LINGO2: variants seen among roughly 807,000 people sequenced by gnomAD.
LINGO2 encodes the protein leucine rich repeat and Ig domain containing 2, also known as leucine-rich repeat and immunoglobulin-like domain-containing nogo receptor-interacting protein 2.
LINGO2 carries 14 observed loss-of-function variants against 30.6 expected under a neutral mutation model. That is an observed-to-expected ratio of 0.46 (90% confidence interval 0.30 to 0.72). The LOEUF (loss-of-function observed/expected upper bound fraction) is 0.72. LINGO2 is among the 30% of genes least tolerant of loss of function. The pLI, the probability that LINGO2 is intolerant of heterozygous loss-of-function variation, is 0.07. For synonymous variants in LINGO2, 317 were observed against 288.5 expected, an observed-to-expected ratio of 1.10 and a Z score of -1.00; for missense variants, 729 against 751.7, an observed-to-expected ratio of 0.97 and a Z score of 0.35.
intron 1 of LINGO2, among the ~76,000 whole-genome samples, chr9:28,588,796 G>C (rs1167793810): frequency 6.6e-6 from 1 of 152,024 alleles, no homozygotes; most frequent in Non-Finnish European, 1.5e-5. Context: ...GATATTACTA[G>C]TCAGGCCATG....
At chr9:29,200,659 CA>C in the LINGO2 span, among the ~76,000 whole-genome samples, 1 of 152,076 alleles carries the variant, frequency 6.6e-6, no homozygotes, top group East Asian at 1.9e-4. Flanking sequence ...ACATTCGTCA[CA>C]ATTCATGAAC....
intron 1 of LINGO2, among the ~76,000 whole-genome samples, chr9:28,556,747 T>C (rs931188736): frequency 1.3e-5 from 2 of 151,874 alleles, no homozygotes; most frequent in Non-Finnish European, 2.9e-5. Flanking sequence ...CTTCAAACTA[T>C]ACTACAAGGC....
chr9:28,586,380 G>T (rs1259265208), intron 1 of LINGO2, among the ~76,000 whole-genome samples: 1 of 151,860 alleles, frequency 6.6e-6, no homozygotes, highest in Admixed American at 6.6e-5. Flanking sequence ...AATTTTTATA[G>T]TTTATTAATT....
chr9:28,474,131 A>T (rs1435316940), intron 2 of LINGO2, among the ~76,000 whole-genome samples: 1 of 152,232 alleles, frequency 6.6e-6, no homozygotes, highest in Non-Finnish European at 1.5e-5. Context: ...CATCTTACAA[A>T]GTAAATTTTC....
chr9:28,660,387 C>T (rs1478269836), intron 1 of LINGO2, among the ~76,000 whole-genome samples: 1 of 151,788 alleles, frequency 6.6e-6, no homozygotes, highest in Non-Finnish European at 1.5e-5. Flanking sequence ...ACAGTGAAGA[C>T]ATAATAAAAA....
the LINGO2 span, among the ~76,000 whole-genome samples, chr9:28,881,076 T>C: frequency 0.091 from 13,801 of 152,114 alleles, 722 homozygotes; most frequent in African/African-American, 0.14. Context: ...GGTGCAGGTC[T>C]TTAGTATGCT....
intron 5 of LINGO2, among the ~76,000 whole-genome samples, chr9:27,984,026 G>T (rs1287558385): frequency 1.3e-5 from 2 of 151,820 alleles, no homozygotes; most frequent in East Asian, 3.9e-4. Context: ...AGAAAACAAG[G>T]GCTGTGGAGT....
chr9:29,120,409 A>T, the LINGO2 span, among the ~76,000 whole-genome samples: 1 of 152,190 alleles, frequency 6.6e-6, no homozygotes, highest in Non-Finnish European at 1.5e-5. Context: ...AGGTAATGTT[A>T]TGCTACTGAT....
At chr9:28,229,659 A>C (rs879635892) in intron 4 of LINGO2, among the ~76,000 whole-genome samples, 1 of 151,772 alleles carries the variant, frequency 6.6e-6, no homozygotes, top group Non-Finnish European at 1.5e-5. Flanking sequence ...GGTTTAACAA[A>C]ACTTTAAAAA....
intron 2 of LINGO2, among the ~76,000 whole-genome samples, chr9:28,404,119 C>T (rs899419115): frequency 6.6e-6 from 1 of 152,142 alleles, no homozygotes; most frequent in Non-Finnish European, 1.5e-5. Context: ...TGCTAATACA[C>T]ATTCATAATT....
At chr9:29,165,930 G>A in the LINGO2 span, among the ~76,000 whole-genome samples, 1 of 152,108 alleles carries the variant, frequency 6.6e-6, no homozygotes, top group East Asian at 1.9e-4. Flanking sequence ...TAACTCCAAA[G>A]TCAGTGATAG....
chr9:29,065,152 ATTT>A, the LINGO2 span, among the ~76,000 whole-genome samples: 1 of 152,084 alleles, frequency 6.6e-6, no homozygotes, highest in African/African-American at 2.4e-5. Flanking sequence ...AGCAATACTC[ATTT>A]TTTAAAAATG....
At chr9:29,063,879 TAAC>T in the LINGO2 span, among the ~76,000 whole-genome samples, 2 of 152,172 alleles carry the variant, frequency 1.3e-5, no homozygotes, top group East Asian at 3.8e-4. Context: ...AATAAAATGA[TAAC>T]AATACCTACA....
At chr9:28,588,388 C>T (rs1479113733) in intron 1 of LINGO2, among the ~76,000 whole-genome samples, 2 of 151,840 alleles carry the variant, frequency 1.3e-5, no homozygotes, top group Non-Finnish European at 2.9e-5. Context: ...ATTTTGCAGA[C>T]TTGTTATCCA....
intron 1 of LINGO2, among the ~76,000 whole-genome samples, chr9:28,578,200 A>G (rs2383772): frequency 0.59 from 89,247 of 151,948 alleles, 26,602 homozygotes; most frequent in East Asian, 0.69. Context: ...AGGGTTTTAA[A>G]CCACATTCCA....
chr9:28,812,840 T>C, the LINGO2 span, among the ~76,000 whole-genome samples: 1 of 152,112 alleles, frequency 6.6e-6, no homozygotes, highest in Non-Finnish European at 1.5e-5. Context: ...AGTGACATGA[T>C]AAGGAGACAG....
the LINGO2 span, chr9:27,938,494 C>G: frequency 6.6e-6 from 1 of 152,084 alleles, no homozygotes; most frequent in East Asian, 1.9e-4. Context: ...AGTAGCTTGC[C>G]CATAAAGAAA....
the LINGO2 span, among the ~76,000 whole-genome samples, chr9:29,059,158 G>A: frequency 1.2e-4 from 18 of 151,816 alleles, no homozygotes; most frequent in African/African-American, 4.1e-4. Context: ...GGAGACATAT[G>A]CAATATTAAT....
chr9:28,407,041 T>C (rs1297582928), intron 2 of LINGO2, among the ~76,000 whole-genome samples: 1 of 152,118 alleles, frequency 6.6e-6, no homozygotes, highest in Non-Finnish European at 1.5e-5. Flanking sequence ...AAAGAATATA[T>C]GATACTACTA....
Sources: allele counts gnomAD v4.1 joint callset (sites outside exome capture counted in the v4.1 genomes callset), GRCh38; gene constraint gnomAD v4.1.1; transcripts MANE v1.5; gene names NCBI Gene and HGNC (gene_info 2026-07-23, HGNC 2026-07-21).